Variants in FRAS1 observed in about 807,000 individuals in gnomAD.
The protein encoded by FRAS1 is extracellular matrix organizing protein FRAS1.
FRAS1 carries 290 observed loss-of-function variants against 435.2 expected under a neutral mutation model. The ratio of observed to expected loss-of-function variants is 0.67; its 90% CI spans 0.61 to 0.73. The LOEUF (loss-of-function observed/expected upper bound fraction) is 0.73. Ranked by LOEUF, FRAS1 falls within the 30% of genes least tolerant of loss-of-function variation. FRAS1 has a pLI of 0.00. For synonymous variants in FRAS1, 1,800 were observed against 1,851.0 expected, an observed-to-expected ratio of 0.97 and a Z score of 0.71; for missense variants, 4,860 against 5,001.5, an observed-to-expected ratio of 0.97 and a Z score of 0.85.
At position 78,372,805 on chromosome 4, in the gene FRAS1, C is replaced by T. The variant is rs1318236935; in HGVS notation, c.2957C>T (p.Ala986Val). The change falls in exon 24 of 74, where the codon GCC (alanine) becomes GTC (valine). Residue 986 changes from alanine (A) to valine (V), a missense_variant. Physicochemically the swap from Ala to Val is moderately conservative, Grantham distance 64. Coordinates refer to ENST00000512123, the MANE Select transcript of FRAS1 (RefSeq NM_025074.7). The part of the protein sequence containing the change: ...CMDGYVLQDG[A>V]CVEQCLSSFY... ...GATGGCTATGTTCTCCAGGATGGGG[C>T]CTGCGTGGAGCAGTGCTTGTCATCA... The T allele has an allele frequency of 1.2e-6, 2 of 1,613,060 alleles. No homozygotes were observed. The highest frequency in any genetic ancestry group is 1.7e-6 in the Non-Finnish European group (2 of 1,179,694).
chr4:78,451,614 A>C (rs756781604), intron 45 of FRAS1, among the ~76,000 whole-genome samples, 158 bp from the exon 46 acceptor site: 1 of 152,202 alleles, frequency 6.6e-6, no homozygotes, highest in East Asian at 1.9e-4. Context: ...AAAAGGAGGA[A>C]ATGAAAACTT....
At chr4:78,334,626 C>T (rs1730097405) in intron 19 of FRAS1, among the ~76,000 whole-genome samples, 1 of 152,098 alleles carries the variant, frequency 6.6e-6, no homozygotes, top group African/African-American at 2.4e-5. Context: ...GCCTCAGCCT[C>T]CCAAAGTGCT....
intron 44 of FRAS1, among the ~76,000 whole-genome samples, chr4:78,449,297 G>C (rs1258175926): frequency 1.3e-5 from 2 of 152,152 alleles, no homozygotes; most frequent in Non-Finnish European, 2.9e-5. Context: ...GGGGAATACT[G>C]AGCTTGGGGA....
chr4:78,497,565 G>C (rs1471638810), intron 60 of FRAS1, among the ~76,000 whole-genome samples: 3 of 152,108 alleles, frequency 2.0e-5, no homozygotes, highest in Admixed American at 2.0e-4. Context: ...ATTGAATACT[G>C]TATACCAAGA....
At chr4:78,238,753 G>A (rs191992005) in intron 3 of FRAS1, among the ~76,000 whole-genome samples, 38 of 152,230 alleles carry the variant, frequency 2.5e-4, no homozygotes, top group African/African-American at 8.9e-4. Context: ...CATGAAAAAT[G>A]CCCTTCCCCA....
chr4:78,274,300 G>A (rs1164661526), intron 9 of FRAS1, among the ~76,000 whole-genome samples: 1 of 151,806 alleles, frequency 6.6e-6, no homozygotes, highest in African/African-American at 2.4e-5. Context: ...AGGGTTTTTT[G>A]TGTCTCTATC....
intron 51 of FRAS1, among the ~76,000 whole-genome samples, chr4:78,470,813 G>T (rs1295948260): frequency 6.6e-6 from 1 of 151,980 alleles, no homozygotes; most frequent in Non-Finnish European, 1.5e-5. Flanking sequence ...AACTGTACCA[G>T]CATATGGGAA....
chr4:78,387,986 A>G (rs979734543), intron 29 of FRAS1, among the ~76,000 whole-genome samples: 7 of 152,174 alleles, frequency 4.6e-5, no homozygotes, highest in African/African-American at 1.7e-4. Flanking sequence ...CTGCCTGAGC[A>G]TAACCATAAG....
chr4:78,436,376 C>T (rs1176657978), intron 38 of FRAS1, among the ~76,000 whole-genome samples: 2 of 152,086 alleles, frequency 1.3e-5, no homozygotes, highest in African/African-American at 2.4e-5. Flanking sequence ...CTGGTGGGAG[C>T]GTAAACTGGA....
chr4:78,508,666 G>T, intron 62 of FRAS1, 65 bp from the exon 63 acceptor site: 3 of 1,544,638 alleles, frequency 1.9e-6, no homozygotes, highest in East Asian at 2.3e-5. Context: ...TCTAAAGAAA[G>T]GGGGCTTAGT....
intron 3 of FRAS1, among the ~76,000 whole-genome samples, chr4:78,243,804 A>G (rs1725113631): frequency 6.6e-6 from 1 of 152,136 alleles, no homozygotes; most frequent in South Asian, 2.1e-4. Flanking sequence ...GGCATGAAAC[A>G]TTCCTTGAAG....
intron 2 of FRAS1, among the ~76,000 whole-genome samples, chr4:78,224,993 A>G (rs1324486181): frequency 6.6e-6 from 1 of 152,180 alleles, no homozygotes; most frequent in African/African-American, 2.4e-5. Context: ...ATGCAAAGGA[A>G]GAAATCCAGT....
intron 2 of FRAS1, among the ~76,000 whole-genome samples, chr4:78,100,368 G>A (rs568334536): frequency 6.6e-6 from 1 of 152,278 alleles, no homozygotes; most frequent in East Asian, 1.9e-4. Context: ...GGAAATTCAG[G>A]CCAAGAAACA....
intron 2 of FRAS1, among the ~76,000 whole-genome samples, chr4:78,195,015 G>T (rs1339912953): frequency 6.6e-6 from 1 of 152,208 alleles, no homozygotes; most frequent in Non-Finnish European, 1.5e-5. Flanking sequence ...CTGCAGGTCT[G>T]TTGGAGTTTG....
chr4:78,143,485 T>G (rs1473968233), intron 2 of FRAS1, among the ~76,000 whole-genome samples: 1 of 152,192 alleles, frequency 6.6e-6, no homozygotes, highest in Non-Finnish European at 1.5e-5. Context: ...CTCATTGATG[T>G]ATAGTTCATA....
chr4:78,472,306 A>G lies in FRAS1; in HGVS notation c.7498A>G (p.Arg2500Gly). 2 of 1,608,610 alleles carry G rather than the reference A, an allele frequency of 1.2e-6. No homozygotes were observed. Among genetic ancestry groups the G allele is most frequent in the Non-Finnish European group, 1.7e-6 (2 of 1,176,300 alleles). Reference protein sequence around the residue: ...GFVENKLQPGRAAATFTQEDV... With the variant: ...GFVENKLQPGGAAATFTQEDV... Reference sequence around the variant, plus strand: ...TGTGGAGAACAAGCTGCAGCCTGGCAGAGCTGCTGCCACTTTCACCCAGGG... The same window carrying G: ...TGTGGAGAACAAGCTGCAGCCTGGCGGAGCTGCTGCCACTTTCACCCAGGG... The change falls in exon 52 of 74, where the codon AGA becomes GGA. Residue 2500 changes from arginine (R) to glycine (G), a missense_variant. Physicochemically the swap from Arg to Gly is moderately radical, Grantham distance 125. Transcript: ENST00000512123.
At chr4:78,537,948 A>C (rs1721933775) in intron 72 of FRAS1, among the ~76,000 whole-genome samples, 1 of 147,364 alleles carries the variant, frequency 6.8e-6, no homozygotes, top group Non-Finnish European at 1.5e-5. Context: ...CCTATCTCAA[A>C]AAAAAAAAAG....
chr4:78,156,321 A>ATT (rs572235027), intron 2 of FRAS1, among the ~76,000 whole-genome samples: 1 of 145,610 alleles, frequency 6.9e-6, no homozygotes, highest in African/African-American at 2.5e-5. Flanking sequence ...GAAAGTCCTC[A>ATT]TTTTTTTTTT....
intron 33 of FRAS1, among the ~76,000 whole-genome samples, chr4:78,419,677 A>T (rs1370716672): frequency 6.6e-6 from 1 of 152,218 alleles, no homozygotes; most frequent in Non-Finnish European, 1.5e-5. Flanking sequence ...ATTGGTATAA[A>T]GAAATAGCTG....
Sources: gnomAD v4.1 joint callset for allele counts (sites outside exome capture counted in the v4.1 genomes callset) on GRCh38, gnomAD v4.1.1 for gene constraint, MANE v1.5 for transcripts, NCBI Gene and HGNC (gene_info 2026-07-23, HGNC 2026-07-21) for gene names.